DNAH14: variants seen among roughly 807,000 people sequenced by gnomAD.
DNAH14 encodes axonemal beta dynein heavy chain 14.
A neutral mutation model predicts 520.9 loss-of-function variants in DNAH14; 478 were observed. That is an observed-to-expected ratio of 0.92 (90% CI 0.85 to 0.99). The LOEUF is 0.99. DNAH14 is among the 50% of genes least tolerant of loss of function. The pLI is 0.00. For synonymous variants in DNAH14, 1,581 were observed against 1,757.2 expected (o/e 0.90, Z 2.51); for missense variants, 4,831 against 5,234.5 (o/e 0.92, Z 2.38).
At chr1:225,038,057 C>T (rs548443200) in intron 11 of DNAH14, among the ~76,000 whole-genome samples, 2 of 152,292 alleles carry the variant, frequency 1.3e-5, no homozygotes, top group African/African-American at 2.4e-5. Flanking sequence ...TTTCTTAGTG[C>T]TCTTCAGTGT....
At chr1:224,976,613 A>T (rs7541644) in intron 8 of DNAH14, among the ~76,000 whole-genome samples, 99,155 of 151,142 alleles carry the variant, frequency 0.66, 34,267 homozygotes, top group African/African-American at 0.87. Context: ...ATATCCAGAA[A>T]GTACAATGAA....
rs531890490 is a variant in DNAH14, at chr1:225,097,098, A to G, written c.3574-20A>G. 7 of 1,529,552 alleles carry G rather than the reference A, an allele frequency of 4.6e-6. No individual in the cohort carries two copies. The East Asian group carries it at 7.4e-5, about 16-fold the overall frequency. The allele number at this position is 1,529,552 out of a possible 1,614,324, so 94.7% of individuals were successfully genotyped here. ...TTTATATATTTAGATTTGTATGTGT[A>G]TATGTTTTTATCATTGTAGGATCTT... On this transcript the variant is annotated intron_variant, in intron 21 of 85. Coordinates refer to ENST00000682510, the MANE Select transcript of DNAH14 (RefSeq NM_001367479.1).
Position 225,131,020 on chromosome 1 carries a change from G to A in DNAH14, c.4254+7406G>A, listed in dbSNP as rs1415285571. ...GCTTACTTTGAAATGCATAAGATGGGTAGATGTATAGATTCATGGCAAATA... is the reference window on the plus strand; with the variant it reads ...GCTTACTTTGAAATGCATAAGATGGATAGATGTATAGATTCATGGCAAATA... On this transcript the variant is annotated intron_variant, in intron 27 of 85. Coordinates refer to ENST00000682510, the MANE Select transcript of DNAH14 (RefSeq NM_001367479.1). Among the ~76,000 whole-genome samples, 4 of 152,086 alleles carry A rather than the reference G, an allele frequency of 2.6e-5. No homozygotes were observed. In the East Asian group the frequency reaches 7.7e-4, roughly 29 times the overall value.
intron 71 of DNAH14, among the ~76,000 whole-genome samples, chr1:225,349,144 T>G (rs3913652): frequency 0.6 from 90,698 of 152,016 alleles, 28,177 homozygotes; most frequent in East Asian, 0.76. Flanking sequence ...CTAATTTTTT[T>G]AAATTTTTGG....
At chr1:225,377,198 G>A in intron 78 of DNAH14, 39 bp from the exon 79 acceptor site, 1 of 1,390,504 alleles carries the variant, frequency 7.2e-7, no homozygotes. Flanking sequence ...AGAAGTAGCA[G>A]GATTGAAGAA....
At position 225,007,521 on chromosome 1, in the gene DNAH14, G is replaced by A; in HGVS notation, c.1084G>A (p.Glu362Lys). The A allele has an allele frequency of 6.5e-7, 1 of 1,533,300 alleles. No individual in the cohort carries two copies. Among genetic ancestry groups the A allele is most frequent in the Non-Finnish European group, 8.8e-7 (1 of 1,136,884 alleles). The allele number at this position is 1,533,300 out of a possible 1,614,324, so 95.0% of individuals were successfully genotyped here. ...GGACATCAGGAATAAAGCAATTTCAGAGATGAAAAGTACTTTTCTAAAGGT... is the reference window on the plus strand; with the variant it reads ...GGACATCAGGAATAAAGCAATTTCAAAGATGAAAAGTACTTTTCTAAAGGT... The part of the protein sequence containing the change: ...LEDIRNKAIS[E>K]MKSTFLKVAE... Residue 362 changes from glutamate (E) to lysine (K), a missense_variant, in exon 10 of 86, where the codon GAG becomes AAG. Transcript: ENST00000682510.
At position 225,136,336 on chromosome 1, in the gene DNAH14, C is replaced by G. The variant is rs2078952320; in HGVS notation, c.4255-4432C>G. On this transcript the variant is annotated intron_variant, in intron 27 of 85. Coordinates refer to ENST00000682510, the MANE Select transcript of DNAH14 (RefSeq NM_001367479.1). ...TTAGTGCTTCTTTCAGGAGCTCTTG[C>G]AAGGCGGACCTGGTGACGATGAATT... 1.3e-5 allele frequency among the ~76,000 whole-genome samples: 2 copies of G among 152,134 alleles called. 1 individual carries two copies. The highest frequency in any genetic ancestry group is 2.9e-5 in the Non-Finnish European group (2 of 68,030).
rs2091911516 is a variant in DNAH14, at chr1:225,240,634, T to C, written c.6560T>C (p.Leu2187Ser). The C allele has an allele frequency of 6.4e-7, 1 of 1,550,400 alleles. No individual in the cohort carries two copies. The highest frequency in any genetic ancestry group is 8.7e-7 in the Non-Finnish European group (1 of 1,146,292). ...TATCCAGAGAAAAATCCTGATAAAT[T>C]AACAAAAATTATTCAAAAGCTTTTT... The part of the protein sequence containing the change: ...TWYPEKNPDK[L>S]TKIIQKLFVF... Residue 2187 changes from leucine (L) to serine (S), a missense_variant, in exon 43 of 86, where the codon TTA becomes TCA. Coordinates refer to ENST00000682510, the MANE Select transcript of DNAH14 (RefSeq NM_001367479.1).
chr1:225,394,115 G>A (rs558959595), intron 84 of DNAH14, among the ~76,000 whole-genome samples: 4 of 152,162 alleles, frequency 2.6e-5, no homozygotes, highest in East Asian at 1.9e-4. Context: ...CACCGCGCCC[G>A]GCCACAGCGA....
At chr1:224,958,296 T>C (rs927151801) in intron 3 of DNAH14, among the ~76,000 whole-genome samples, 1 of 152,108 alleles carries the variant, frequency 6.6e-6, no homozygotes, top group African/African-American at 2.4e-5. Context: ...GATTTTTGGT[T>C]TGTGTTCAGG....
chr1:225,052,160 A>G (rs916149814), intron 17 of DNAH14, among the ~76,000 whole-genome samples: 3 of 152,186 alleles, frequency 2.0e-5, no homozygotes, highest in Non-Finnish European at 4.4e-5. Context: ...TCATCAAGCT[A>G]TGGAGTATCT....
intron 23 of DNAH14, among the ~76,000 whole-genome samples, chr1:225,113,495 G>A (rs563074550): frequency 6.6e-6 from 1 of 152,174 alleles, no homozygotes; most frequent in Non-Finnish European, 1.5e-5. Context: ...TACCGCCTAT[G>A]TTTGTTCAAG....
intron 55 of DNAH14, among the ~76,000 whole-genome samples, chr1:225,293,524 A>T (rs1163081563): frequency 6.6e-6 from 1 of 152,188 alleles, no homozygotes; most frequent in Non-Finnish European, 1.5e-5. Context: ...TGTGACATGG[A>T]TGGAGCTGGA....
Position 225,346,036 on chromosome 1 carries a change from C to T in DNAH14, c.10753C>T (p.Arg3585Cys), listed in dbSNP as rs540562293. ...SKMTSNEISK[R>C]IEATKKAESE... ...AATGACATCAAACGAAATTTCAAAG[C>T]GCATCGAAGCAACAAAAAAAGCTGA... Residue 3585 changes from arginine to cysteine, a missense_variant, in exon 70 of 86, where the codon CGC becomes TGC. By Grantham distance (180) the Arg-to-Cys change is radical. Transcript: ENST00000682510. 50 of 1,551,524 alleles carry T rather than the reference C, an allele frequency of 3.2e-5. No homozygotes were observed. Among genetic ancestry groups the T allele is most frequent in the South Asian group, 1.1e-4 (9 of 84,044 alleles).
chr1:225,316,152 G>A (rs2094464096), intron 60 of DNAH14, among the ~76,000 whole-genome samples: 1 of 152,176 alleles, frequency 6.6e-6, no homozygotes, highest in African/African-American at 2.4e-5. Context: ...TTTACACTGT[G>A]AGGGGAAAAC....
chr1:225,231,306 G>T (rs1191272080), intron 42 of DNAH14, among the ~76,000 whole-genome samples, 155 bp downstream of exon 42: 1 of 151,358 alleles, frequency 6.6e-6, no homozygotes, highest in Non-Finnish European at 1.5e-5. Flanking sequence ...AGAGTTCTTT[G>T]TATAGCTAAT....
At chr1:225,070,076 A>T (rs964393414) in intron 17 of DNAH14, among the ~76,000 whole-genome samples, 2 of 151,964 alleles carry the variant, frequency 1.3e-5, no homozygotes, top group African/African-American at 4.8e-5. Flanking sequence ...TTCTGATTGC[A>T]TTTATTTGAA....
At chr1:224,953,183 C>G (rs2060286727) in intron 2 of DNAH14, 1 of 152,704 alleles carries the variant, frequency 6.5e-6, no homozygotes, top group Admixed American at 6.7e-5. Flanking sequence ...AATGCAGTGG[C>G]ACGATCTTGG....
intron 36 of DNAH14, among the ~76,000 whole-genome samples, chr1:225,180,600 A>T (rs568552235): frequency 8.5e-5 from 13 of 152,246 alleles, no homozygotes; most frequent in African/African-American, 2.9e-4. Context: ...GAGTGAGAAC[A>T]CATTCACCCC....
Sources: allele counts gnomAD v4.1 joint callset (sites outside exome capture counted in the v4.1 genomes callset), GRCh38; gene constraint gnomAD v4.1.1; transcripts MANE v1.5; gene names NCBI Gene and HGNC (gene_info 2026-07-23, HGNC 2026-07-21).